Variants in KCNK13 observed in about 807,000 individuals in gnomAD.
KCNK13 encodes potassium channel subfamily K member 13.
KCNK13 carries 12 observed loss-of-function variants against 23.4 expected under a neutral mutation model. That is an observed-to-expected ratio of 0.51 (90% confidence interval 0.33 to 0.83). The LOEUF is 0.83. Among genes scored for constraint, KCNK13 ranks in the 40% least tolerant of loss-of-function variants. KCNK13 has a pLI of 0.02. For missense variants in KCNK13, 463 were observed against 556.3 expected (o/e 0.83, Z 1.69); for synonymous variants, 231 against 229.5 (o/e 1.01, Z -0.06).
At chr14:90,109,565 C>A (rs886323909) in intron 1 of KCNK13, among the ~76,000 whole-genome samples, 1 of 151,624 alleles carries the variant, frequency 6.6e-6, no homozygotes, top group Non-Finnish European at 1.5e-5. Flanking sequence ...CCCACCACCA[C>A]GCCTGGCTAA....
At chr14:90,111,783 C>G (rs1889617935) in intron 1 of KCNK13, among the ~76,000 whole-genome samples, 1 of 152,216 alleles carries the variant, frequency 6.6e-6, no homozygotes, top group South Asian at 2.1e-4. Flanking sequence ...AGTATTACAG[C>G]TAAACCTTCT....
intron 1 of KCNK13, among the ~76,000 whole-genome samples, chr14:90,120,389 G>T (rs1166795156): frequency 1.3e-5 from 2 of 152,154 alleles, no homozygotes; most frequent in Non-Finnish European, 2.9e-5. Flanking sequence ...CTGCTATAAA[G>T]AACTGCCCGA....
intron 1 of KCNK13, among the ~76,000 whole-genome samples, chr14:90,180,837 G>T (rs1890476453): frequency 6.6e-6 from 1 of 152,014 alleles, no homozygotes; most frequent in Non-Finnish European, 1.5e-5. Context: ...TTCTGTGTTG[G>T]CCTTTGACTC....
intron 1 of KCNK13, among the ~76,000 whole-genome samples, chr14:90,075,511 C>T (rs1889123722): frequency 1.3e-5 from 2 of 152,198 alleles, no homozygotes; most frequent in Admixed American, 1.3e-4. Context: ...CAGAGTCTGG[C>T]TCTGTTGCCC....
intron 1 of KCNK13, among the ~76,000 whole-genome samples, chr14:90,078,595 A>AAGAGAAAGAAAGAGAGG (rs2140393623): frequency 6.6e-6 from 1 of 151,600 alleles, no homozygotes; most frequent in East Asian, 1.9e-4. Flanking sequence ...AGAGGGAGAA[A>AAGAGAAAGAAAGAGAGG]AGAGAAAGAA....
At chr14:90,108,499 G>A (rs1043520018) in intron 1 of KCNK13, among the ~76,000 whole-genome samples, 3 of 152,050 alleles carry the variant, frequency 2.0e-5, no homozygotes, top group African/African-American at 7.2e-5. Context: ...GCATCTCTCC[G>A]GAGACACAAC....
intron 1 of KCNK13, among the ~76,000 whole-genome samples, chr14:90,071,044 A>G (rs1566946088): frequency 6.6e-6 from 1 of 152,334 alleles, no homozygotes; most frequent in Non-Finnish European, 1.5e-5. Flanking sequence ...ATTGCCCAGC[A>G]TTTAGTATTC....
chr14:90,102,596 G>C (rs1889495094), intron 1 of KCNK13, among the ~76,000 whole-genome samples: 1 of 152,108 alleles, frequency 6.6e-6, no homozygotes, highest in African/African-American at 2.4e-5. Flanking sequence ...TCTCTCCCAT[G>C]ACCCCCTATG....
At chr14:90,166,058 G>A (rs1466794804) in intron 1 of KCNK13, among the ~76,000 whole-genome samples, 1 of 152,188 alleles carries the variant, frequency 6.6e-6, no homozygotes, top group Non-Finnish European at 1.5e-5. Context: ...TATACAGTTA[G>A]AATAGCTGTA....
chr14:90,127,817 T>TG (rs767511019), intron 1 of KCNK13, among the ~76,000 whole-genome samples: 4 of 85,144 alleles, frequency 4.7e-5, no homozygotes, highest in African/African-American at 1.5e-4. Flanking sequence ...AGATGCTATC[T>TG]AAAAAAAAAA....
chr14:90,127,735 C>T (rs529850213), intron 1 of KCNK13, among the ~76,000 whole-genome samples: 30 of 146,324 alleles, frequency 2.1e-4, no homozygotes, highest in Admixed American at 3.5e-4. Context: ...GGGAGGATCC[C>T]TTGAGTCCAG....
At chr14:90,122,429 TGCCTCA>T (rs879338294) in intron 1 of KCNK13, among the ~76,000 whole-genome samples, 10 of 152,114 alleles carry the variant, frequency 6.6e-5, no homozygotes, top group African/African-American at 1.7e-4. Context: ...GCGATTCTCC[TGCCTCA>T]GCCTCAGCCT....
intron 1 of KCNK13, among the ~76,000 whole-genome samples, chr14:90,164,637 A>G (rs547459851): frequency 6.6e-6 from 1 of 152,362 alleles, no homozygotes; most frequent in Admixed American, 6.5e-5. Flanking sequence ...GTTCAGTAGT[A>G]CCATAGGAAA....
At chr14:90,143,146 A>ACTTT (rs577709163) in intron 1 of KCNK13, among the ~76,000 whole-genome samples, 7 of 115,752 alleles carry the variant, frequency 6.0e-5, no homozygotes, top group East Asian at 2.9e-4. Context: ...AAGAGCAGAA[A>ACTTT]CTTTCTTTCT....
intron 1 of KCNK13, among the ~76,000 whole-genome samples, chr14:90,180,625 T>C (rs1371768447): frequency 6.6e-6 from 1 of 152,128 alleles, no homozygotes; most frequent in African/African-American, 2.4e-5. Flanking sequence ...TTTAACAAAA[T>C]TGAATATGTT....
At chr14:90,093,943 G>A (rs1029745015) in intron 1 of KCNK13, among the ~76,000 whole-genome samples, 2 of 152,116 alleles carry the variant, frequency 1.3e-5, no homozygotes, top group African/African-American at 4.8e-5. Context: ...TGCCATATTG[G>A]GATTTGTTTT....
chr14:90,150,673 T>A (rs150955642), intron 1 of KCNK13, among the ~76,000 whole-genome samples: 1 of 152,172 alleles, frequency 6.6e-6, no homozygotes, highest in African/African-American at 2.4e-5. Flanking sequence ...GTTAGCAGAG[T>A]GATATGGTTT....
chr14:90,143,682 C>T (rs1018335816), intron 1 of KCNK13, among the ~76,000 whole-genome samples: 2 of 152,098 alleles, frequency 1.3e-5, no homozygotes, highest in African/African-American at 4.8e-5. Flanking sequence ...TCAAGCAGAT[C>T]CTAGAACTAG....
chr14:90,094,789 A>G (rs1168755036), intron 1 of KCNK13, among the ~76,000 whole-genome samples: 1 of 150,948 alleles, frequency 6.6e-6, no homozygotes, highest in East Asian at 2.0e-4. Context: ...CTGGGACCAC[A>G]GGCGCCCACC....
Sources: gnomAD v4.1 joint callset for allele counts (sites outside exome capture counted in the v4.1 genomes callset) on GRCh38, gnomAD v4.1.1 for gene constraint, MANE v1.5 for transcripts, NCBI Gene and HGNC (gene_info 2026-07-23, HGNC 2026-07-21) for gene names.